MNAT1: variants seen among roughly 807,000 people sequenced by gnomAD.
MNAT1 encodes CDK-activating kinase assembly factor MAT1.
A neutral mutation model predicts 42.0 loss-of-function variants in MNAT1; 43 were observed. The observed-to-expected ratio is 1.02, with a 90% CI of 0.80 to 1.32. The LOEUF is 1.32. Ranked by LOEUF, MNAT1 falls within the 40% of genes most tolerant of loss-of-function variation. The pLI is 0.00. For synonymous variants in MNAT1, 118 were observed against 120.0 expected (o/e 0.98, Z 0.11); for missense variants, 306 against 350.4 (o/e 0.87, Z 1.01).
intron 6 of MNAT1, among the ~76,000 whole-genome samples, chr14:60,859,227 G>T (rs2034037851): frequency 6.6e-6 from 1 of 152,160 alleles, no homozygotes; most frequent in African/African-American, 2.4e-5. Flanking sequence ...TGCCTATTTT[G>T]GTGCTTTGGA....
intron 7 of MNAT1, among the ~76,000 whole-genome samples, chr14:60,908,288 G>C (rs2035258780): frequency 6.6e-6 from 1 of 152,008 alleles, no homozygotes; most frequent in Admixed American, 6.6e-5. Flanking sequence ...AAGCCTCACT[G>C]TGTGCTTTTT....
chr14:60,921,578 C>G (rs956314374), intron 7 of MNAT1, among the ~76,000 whole-genome samples: 1 of 152,184 alleles, frequency 6.6e-6, no homozygotes, highest in East Asian at 1.9e-4. Flanking sequence ...GTTAGGAAGC[C>G]ACTGTTACTA....
At chr14:60,949,727 G>T (rs957347211) in intron 7 of MNAT1, among the ~76,000 whole-genome samples, 1 of 152,024 alleles carries the variant, frequency 6.6e-6, no homozygotes, top group Non-Finnish European at 1.5e-5. Context: ...TTTCAGAAAA[G>T]CTTCATTTTT....
intron 6 of MNAT1, among the ~76,000 whole-genome samples, chr14:60,823,537 C>A (rs1381249293): frequency 6.6e-6 from 1 of 152,170 alleles, no homozygotes; most frequent in Admixed American, 6.5e-5. Context: ...TTCTTTCTTG[C>A]ATCATTACCT....
intron 1 of MNAT1, among the ~76,000 whole-genome samples, chr14:60,735,395 A>G (rs1594707704): frequency 1.3e-5 from 2 of 152,218 alleles, no homozygotes; most frequent in African/African-American, 4.8e-5. Flanking sequence ...GTTAATTAAA[A>G]AACCCTGTGT....
chr14:60,899,171 G>A (rs2035024556), intron 7 of MNAT1, among the ~76,000 whole-genome samples: 1 of 151,972 alleles, frequency 6.6e-6, no homozygotes, highest in Non-Finnish European at 1.5e-5. Flanking sequence ...ACTGCTTTGT[G>A]GTAGCTACAA....
At chr14:60,773,871 T>A (rs2031154445) in intron 1 of MNAT1, among the ~76,000 whole-genome samples, 2 of 152,232 alleles carry the variant, frequency 1.3e-5, no homozygotes. Flanking sequence ...TTCAGATGTT[T>A]CTCAAGATGT....
intron 1 of MNAT1, among the ~76,000 whole-genome samples, chr14:60,783,597 C>T (rs756713722): frequency 2.8e-4 from 42 of 152,072 alleles, no homozygotes; most frequent in African/African-American, 5.8e-4. Flanking sequence ...CCCAGGTTCA[C>T]GCCATTCTCC....
intron 6 of MNAT1, among the ~76,000 whole-genome samples, chr14:60,827,522 T>C (rs1231758788): frequency 1.3e-5 from 2 of 152,196 alleles, no homozygotes; most frequent in Non-Finnish European, 2.9e-5. Context: ...AAAATTACAT[T>C]GAGCAGTCAG....
At chr14:60,847,312 G>A (rs2033706682) in intron 6 of MNAT1, among the ~76,000 whole-genome samples, 1 of 151,426 alleles carries the variant, frequency 6.6e-6, no homozygotes, top group Non-Finnish European at 1.5e-5. Flanking sequence ...GCTGAGGCAG[G>A]AGAATGGCAT....
intron 1 of MNAT1, among the ~76,000 whole-genome samples, chr14:60,771,305 T>C (rs1214951482): frequency 1.3e-5 from 2 of 152,206 alleles, no homozygotes; most frequent in Non-Finnish European, 2.9e-5. Flanking sequence ...CCTGATTGTT[T>C]CCCCTTTTCA....
At chr14:60,811,421 G>C (rs1423882787) in intron 4 of MNAT1, among the ~76,000 whole-genome samples, 2 of 149,132 alleles carry the variant, frequency 1.3e-5, no homozygotes, top group African/African-American at 5.0e-5. Flanking sequence ...TCCTGCCTCA[G>C]CCTCCCGAGT....
chr14:60,927,081 G>A (rs956709691), intron 7 of MNAT1, among the ~76,000 whole-genome samples: 1 of 152,186 alleles, frequency 6.6e-6, no homozygotes, highest in Non-Finnish European at 1.5e-5. Context: ...AGACCAATAT[G>A]TATGGTTCTT....
intron 5 of MNAT1, among the ~76,000 whole-genome samples, chr14:60,814,229 G>A (rs529053887): frequency 1.8e-4 from 28 of 152,178 alleles, no homozygotes; most frequent in African/African-American, 3.4e-4. Context: ...AAGAAATAGC[G>A]GGGTTTTTGC....
chr14:60,883,587 T>C lies in MNAT1; in HGVS notation c.809+3752T>C, dbSNP rs1256785376. Reference sequence around the variant, plus strand: ...TGGGTCTTTTGTGATTCCATATAAATTTTAGGAATTTTTTAATTTCTGTGA... The same window carrying C: ...TGGGTCTTTTGTGATTCCATATAAACTTTAGGAATTTTTTAATTTCTGTGA... On this transcript the variant is annotated intron_variant, in intron 7 of 7. Coordinates refer to ENST00000261245, the MANE Select transcript of MNAT1 (RefSeq NM_002431.4). Among the ~76,000 whole-genome samples the C allele has an allele frequency of 3.9e-5, 6 of 152,078 alleles. No homozygotes were observed. The East Asian group carries it at 1.2e-3, about 29-fold the overall frequency.
At chr14:60,839,168 G>C (rs1294971279) in intron 6 of MNAT1, among the ~76,000 whole-genome samples, 2 of 152,176 alleles carry the variant, frequency 1.3e-5, no homozygotes, top group Admixed American at 1.3e-4. Flanking sequence ...TGTCAGTTCT[G>C]AGTGGAATCA....
intron 5 of MNAT1, among the ~76,000 whole-genome samples, chr14:60,813,003 C>T (rs1162761111): frequency 1.3e-5 from 2 of 152,196 alleles, no homozygotes; most frequent in South Asian, 2.1e-4. Context: ...AGAGCAGCTG[C>T]CCTAGGTGAC....
intron 3 of MNAT1, among the ~76,000 whole-genome samples, chr14:60,804,537 T>C (rs540826432): frequency 6.6e-6 from 1 of 152,126 alleles, no homozygotes; most frequent in Non-Finnish European, 1.5e-5. Context: ...TATTCATTTA[T>C]TTTTTAGAGA....
chr14:60,774,598 G>A (rs571266593), intron 1 of MNAT1, among the ~76,000 whole-genome samples: 1 of 152,168 alleles, frequency 6.6e-6, no homozygotes, highest in Non-Finnish European at 1.5e-5. Context: ...ATAAGTAGTC[G>A]AAGTAAGGAG....
Sources: allele counts gnomAD v4.1 joint callset (sites outside exome capture counted in the v4.1 genomes callset), GRCh38; gene constraint gnomAD v4.1.1; transcripts MANE v1.5; gene names NCBI Gene and HGNC (gene_info 2026-07-23, HGNC 2026-07-21).